ALK: variants seen among roughly 807,000 people sequenced by gnomAD.
ALK encodes ALK receptor tyrosine kinase.
In ALK, 74 loss-of-function variants were observed where a neutral mutation model predicts 163.1. That is an observed-to-expected ratio of 0.45 (90% CI 0.38 to 0.55). The LOEUF (loss-of-function observed/expected upper bound fraction) is 0.55, where lower values mean the gene tolerates loss of function less well. Among genes scored for constraint, ALK ranks in the 20% least tolerant of loss-of-function variants. ALK has a pLI of 0.00. For synonymous variants in ALK, 960 were observed against 843.2 expected (o/e 1.14, Z -2.40); for missense variants, 2,063 against 2,105.3 (o/e 0.98, Z 0.39).
chr2:29,484,198 A>G (rs1671728504), intron 4 of ALK, among the ~76,000 whole-genome samples: 1 of 152,194 alleles, frequency 6.6e-6, no homozygotes, highest in East Asian at 1.9e-4. Flanking sequence ...ACCATATCAT[A>G]TACTATTATT....
chr2:29,626,272 T>C (rs934257428), intron 3 of ALK, among the ~76,000 whole-genome samples: 1 of 152,120 alleles, frequency 6.6e-6, no homozygotes, highest in Non-Finnish European at 1.5e-5. Flanking sequence ...ATTGTAATAA[T>C]CCCCACATGT....
chr2:29,267,218 C>T (rs1231397227), intron 11 of ALK, among the ~76,000 whole-genome samples: 1 of 152,080 alleles, frequency 6.6e-6, no homozygotes, highest in Non-Finnish European at 1.5e-5. Context: ...AGTAACCCTC[C>T]AAGAACTGCC....
chr2:29,378,991 G>T (rs943326405), intron 5 of ALK, among the ~76,000 whole-genome samples: 9 of 152,160 alleles, frequency 5.9e-5, no homozygotes, highest in African/African-American at 2.2e-4. Context: ...GGAATTACAG[G>T]CATGAGCCAC....
chr2:29,707,160 G>C (rs541812680), intron 2 of ALK, among the ~76,000 whole-genome samples: 1 of 152,218 alleles, frequency 6.6e-6, no homozygotes, highest in East Asian at 1.9e-4. Context: ...GGCTGGAGAT[G>C]AACTCTGAGC....
chr2:29,231,661 T>TAAA (rs1664211792), intron 15 of ALK, among the ~76,000 whole-genome samples: 1 of 152,236 alleles, frequency 6.6e-6, no homozygotes, highest in Non-Finnish European at 1.5e-5. Flanking sequence ...TCCCAAATCT[T>TAAA]AAATGCCTTC....
At chr2:29,664,987 TTTTTTTTC>T (rs1199878957) in intron 3 of ALK, among the ~76,000 whole-genome samples, 4 of 145,624 alleles carry the variant, frequency 2.7e-5, no homozygotes, top group Non-Finnish European at 4.4e-5. Flanking sequence ...AAATACATCC[TTTTTTTTC>T]TTTTTTTCTT....
At chr2:29,768,849 T>C (rs1263350460) in intron 1 of ALK, among the ~76,000 whole-genome samples, 3 of 151,996 alleles carry the variant, frequency 2.0e-5, no homozygotes, top group African/African-American at 7.3e-5. Flanking sequence ...ATCTTTTTTT[T>C]TTAAGACAGG....
At chr2:29,311,953 G>C (rs13014227) in intron 8 of ALK, among the ~76,000 whole-genome samples, 39,733 of 151,988 alleles carry the variant, frequency 0.26, 5,589 homozygotes, top group South Asian at 0.34. Context: ...ATGCTGGCTG[G>C]GGAGAGGAGC....
intron 3 of ALK, among the ~76,000 whole-genome samples, chr2:29,583,036 T>TTTTTCG (rs1297721490): frequency 7.1e-4 from 55 of 77,154 alleles, no homozygotes; most frequent in African/African-American, 2.7e-3. Context: ...CTAACTTTTG[T>TTTTTCG]TTTTTGTTTT....
intron 1 of ALK, among the ~76,000 whole-genome samples, chr2:29,823,523 A>G (rs1228603231): frequency 6.6e-6 from 1 of 152,232 alleles, no homozygotes; most frequent in African/African-American, 2.4e-5. Flanking sequence ...GATATGGACA[A>G]TGAAATCCAG....
At chr2:29,368,760 T>C (rs1301309606) in intron 5 of ALK, among the ~76,000 whole-genome samples, 1 of 152,198 alleles carries the variant, frequency 6.6e-6, no homozygotes, top group Non-Finnish European at 1.5e-5. Flanking sequence ...TCCTCCTTTT[T>C]CTGAGACTTG....
rs371652715 is a variant in ALK, at chr2:29,383,735, C to T, written c.1279G>A (p.Glu427Lys). Residue 427 changes from glutamate to lysine, a missense_variant, in exon 5 of 29, where the codon GAA becomes AAA. By Grantham distance (56) the Glu-to-Lys change is moderately conservative (BLOSUM62 1). Transcript: ENST00000389048. ...TGGGAAAGCCAGATTCAGATACCTT[C>T]ACTGCAGTTCTTCAGGGCAAAGAAG... ...VDFFALKNCS[E>K]GTSPGSKMAL... The T allele has an allele frequency of 2.4e-5, 39 of 1,613,990 alleles. No homozygotes were observed. The highest frequency in any genetic ancestry group is 3.1e-5 in the Non-Finnish European group (37 of 1,180,002).
At chr2:29,315,617 C>T (rs1414517364) in intron 8 of ALK, among the ~76,000 whole-genome samples, 1 of 152,134 alleles carries the variant, frequency 6.6e-6, no homozygotes, top group African/African-American at 2.4e-5. Context: ...GAGCCCTGGG[C>T]CCCACTCTTC....
intron 4 of ALK, among the ~76,000 whole-genome samples, chr2:29,531,335 G>C (rs1364811804): frequency 6.6e-6 from 1 of 151,998 alleles, no homozygotes; most frequent in Non-Finnish European, 1.5e-5. Context: ...AGGCCTGATG[G>C]ATCACTGAGT....
chr2:29,275,495 A>T lies in ALK; in HGVS notation c.1819T>A (p.Phe607Ile). The change falls in exon 10 of 29, where the codon TTC becomes ATC. Residue 607 changes from phenylalanine to isoleucine, a missense_variant and splice_region_variant. This residue lies in a region of ALK where 987 missense variants were observed against 939.5 expected (regional missense o/e 1.05). Coordinates refer to ENST00000389048, the MANE Select transcript of ALK (RefSeq NM_004304.5). ...CACCATGCGACCATCTGCAGCCAGA[A>T]CCTGTACACATCAAGAGGAATGTGT... ...VLPLLDVSDR[F>I]WLQMVAWWGQ... 6.2e-7 allele frequency: 1 copy of T among 1,613,954 alleles called. No homozygotes were observed. The highest frequency in any genetic ancestry group is 8.5e-7 in the Non-Finnish European group (1 of 1,179,922).
intron 3 of ALK, among the ~76,000 whole-genome samples, chr2:29,625,839 A>C (rs1676179243): frequency 6.6e-6 from 1 of 152,238 alleles, no homozygotes; most frequent in Admixed American, 6.5e-5. Flanking sequence ...GATGGAGCAG[A>C]GGCACCTGAG....
intron 1 of ALK, among the ~76,000 whole-genome samples, chr2:29,909,316 A>C (rs1667634233): frequency 6.6e-6 from 1 of 152,188 alleles, no homozygotes; most frequent in Non-Finnish European, 1.5e-5. Flanking sequence ...CATTTACCAG[A>C]CTCTGACACA....
intron 3 of ALK, among the ~76,000 whole-genome samples, chr2:29,590,856 G>A (rs1291590426): frequency 2.0e-5 from 3 of 151,708 alleles, no homozygotes; most frequent in Non-Finnish European, 4.4e-5. Context: ...CGGATCACGA[G>A]GTCAGGAGAT....
intron 11 of ALK, among the ~76,000 whole-genome samples, chr2:29,266,970 C>A (rs111771841): frequency 0.032 from 4,801 of 152,268 alleles, 111 homozygotes; most frequent in Middle Eastern, 0.071. Flanking sequence ...TAACCTCCTC[C>A]CTTTGAGTAT....
Sources: allele counts gnomAD v4.1 joint callset (sites outside exome capture counted in the v4.1 genomes callset), GRCh38; gene constraint gnomAD v4.1.1; regional missense constraint gnomAD v4.1.1; transcripts MANE v1.5; gene names NCBI Gene and HGNC (gene_info 2026-07-23, HGNC 2026-07-21).